SLC26A7: variants seen among roughly 807,000 people sequenced by gnomAD.
SLC26A7 encodes solute carrier family 26 member 7, also known as anion exchange transporter.
SLC26A7 carries 59 observed loss-of-function variants against 82.5 expected under a neutral mutation model. That is an observed-to-expected ratio of 0.72 (90% CI 0.58 to 0.89). The LOEUF is 0.89. Among genes scored for constraint, SLC26A7 ranks in the 40% least tolerant of loss-of-function variants. SLC26A7 has a pLI of 0.00. For missense variants in SLC26A7, 820 were observed against 793.0 expected, an observed-to-expected ratio of 1.03 and a Z score of -0.41; for synonymous variants, 271 against 274.3, an observed-to-expected ratio of 0.99 and a Z score of 0.12.
At chr8:91,389,594 T>C (rs1814898323) in intron 16 of SLC26A7, among the ~76,000 whole-genome samples, 156 bp downstream of exon 16, 2 of 152,286 alleles carry the variant, frequency 1.3e-5, no homozygotes, top group East Asian at 1.9e-4. Flanking sequence ...ACCATCACTG[T>C]AGATTTGTTT....
intron 9 of SLC26A7, chr8:91,348,365 C>T (rs2130851818): frequency 2.0e-6 from 2 of 985,288 alleles, no homozygotes; most frequent in East Asian, 1.1e-4. Flanking sequence ...AAGTAAATGG[C>T]TGGTTTCTCC....
chr8:91,357,734 G>T (rs1813913111), intron 11 of SLC26A7, among the ~76,000 whole-genome samples: 1 of 152,140 alleles, frequency 6.6e-6, no homozygotes, highest in South Asian at 2.1e-4. Context: ...AAAAGCAATG[G>T]CAACAAAAGC....
intron 2 of SLC26A7, among the ~76,000 whole-genome samples, chr8:91,234,790 T>TA (rs1157765498): frequency 3.9e-4 from 47 of 120,814 alleles, no homozygotes; most frequent in South Asian, 1.2e-3. Context: ...CTTCCCTCCC[T>TA]CCCTACCTAC....
Position 91,395,252 on chromosome 8 carries a change from G to T in SLC26A7, c.*155G>T. Reference sequence around the variant, plus strand: ...TTAGTAACTGCATAGCAGTTGGAAAGAACTGCCAACTTTTTTTTCTCATTT... The same window carrying T: ...TTAGTAACTGCATAGCAGTTGGAAATAACTGCCAACTTTTTTTTCTCATTT... On this transcript the variant is annotated 3_prime_UTR_variant, in exon 19 of 19. Transcript: ENST00000276609. The T allele has an allele frequency of 7.1e-7, 1 of 1,402,604 alleles. No homozygotes were observed. Among genetic ancestry groups the T allele is most frequent in the African/African-American group, 1.5e-5 (1 of 68,836 alleles). The allele number at this position is 1,402,604 out of a possible 1,614,324, so 86.9% of individuals were successfully genotyped here.
At chr8:91,354,562 A>G (rs1586445230) in intron 11 of SLC26A7, among the ~76,000 whole-genome samples, 1 of 152,106 alleles carries the variant, frequency 6.6e-6, no homozygotes, top group East Asian at 1.9e-4. Flanking sequence ...AATAAGAATA[A>G]AATGTATGTA....
chr8:91,337,751 C>T (rs1395057899), intron 6 of SLC26A7, among the ~76,000 whole-genome samples: 2 of 152,166 alleles, frequency 1.3e-5, no homozygotes, highest in Non-Finnish European at 2.9e-5. Context: ...TGAAAGGCTG[C>T]TGTCATGGAG....
chr8:91,356,364 G>A (rs13266599), intron 11 of SLC26A7, among the ~76,000 whole-genome samples: 63,372 of 150,886 alleles, frequency 0.42, 14,811 homozygotes, highest in African/African-American at 0.61. Flanking sequence ...AAGTGTTCCT[G>A]TTTCTCCACA....
chr8:91,376,493 T>G (rs1166022889), intron 15 of SLC26A7, among the ~76,000 whole-genome samples: 2 of 152,130 alleles, frequency 1.3e-5, no homozygotes, highest in African/African-American at 4.8e-5. Context: ...TCTGCATGAG[T>G]TCCTTGGTTG....
intron 18 of SLC26A7, 28 bp from the exon 19 acceptor site, chr8:91,395,034 A>G (rs1808530895): frequency 6.2e-7 from 1 of 1,605,954 alleles, no homozygotes; most frequent in African/African-American, 1.3e-5. Flanking sequence ...TAAATAGCAC[A>G]TACTTACTTC....
At chr8:91,241,677 TACTC>T (rs1190376341) in intron 2 of SLC26A7, among the ~76,000 whole-genome samples, 2 of 152,158 alleles carry the variant, frequency 1.3e-5, no homozygotes, top group African/African-American at 2.4e-5. Flanking sequence ...TTTGCACACT[TACTC>T]ATATTTCTAT....
exon 2 of SLC26A7, chr8:91,218,922 G>T: frequency 6.5e-7 from 1 of 1,550,386 alleles, no homozygotes; most frequent in Non-Finnish European, 8.7e-7. Context: ...TGAAGCTGGT[G>T]CCTCTCCAAG....
chr8:91,327,208 G>A (rs1812957741), intron 5 of SLC26A7, among the ~76,000 whole-genome samples: 1 of 151,852 alleles, frequency 6.6e-6, no homozygotes, highest in South Asian at 2.1e-4. Context: ...CTTGTTTTTT[G>A]TTTGTTTGTT....
chr8:91,346,825 C>T (rs1286852948), intron 9 of SLC26A7, among the ~76,000 whole-genome samples: 2 of 152,144 alleles, frequency 1.3e-5, no homozygotes, highest in Non-Finnish European at 1.5e-5. Context: ...AGTCCTTCTC[C>T]AGCCCTTGTG....
At chr8:91,343,973 C>T (rs1203989223) in intron 9 of SLC26A7, 4 of 839,698 alleles carry the variant, frequency 4.8e-6, no homozygotes, top group South Asian at 5.5e-5. Context: ...CTATTGAGGG[C>T]CTGTGATATA....
intron 15 of SLC26A7, among the ~76,000 whole-genome samples, chr8:91,371,558 C>T (rs1345930584): frequency 6.6e-6 from 1 of 151,892 alleles, no homozygotes; most frequent in Non-Finnish European, 1.5e-5. Flanking sequence ...CATGTTGCTG[C>T]AAAAGACATA....
chr8:91,362,271 T>C, intron 11 of SLC26A7, 82 bp from the exon 12 acceptor site: 1 of 942,836 alleles, frequency 1.1e-6, no homozygotes, highest in Non-Finnish European at 1.6e-6. Flanking sequence ...GTGTTAAGAA[T>C]ATGATTGTGA....
At chr8:91,362,537 A>G in intron 12 of SLC26A7, 78 bp downstream of exon 12, 2 of 1,043,196 alleles carry the variant, frequency 1.9e-6, no homozygotes, top group Non-Finnish European at 2.9e-6. Context: ...GGTACTTGCT[A>G]GTTACTTTTA....
chr8:91,350,600 C>T (rs1165167708), intron 9 of SLC26A7, among the ~76,000 whole-genome samples: 1 of 151,970 alleles, frequency 6.6e-6, no homozygotes, highest in Non-Finnish European at 1.5e-5. Context: ...TATATGAAAT[C>T]TTATAGTATG....
intron 4 of SLC26A7, among the ~76,000 whole-genome samples, chr8:91,299,900 A>C (rs1288535093): frequency 1.3e-5 from 2 of 152,364 alleles, no homozygotes; most frequent in East Asian, 3.9e-4. Context: ...GTAAGTTAAA[A>C]TTAAAGAGAT....
Sources: gnomAD v4.1 joint callset for allele counts (sites outside exome capture counted in the v4.1 genomes callset) on GRCh38, gnomAD v4.1.1 for gene constraint, MANE v1.5 for transcripts, NCBI Gene and HGNC (gene_info 2026-07-23, HGNC 2026-07-21) for gene names.